GPC4: variants seen among roughly 807,000 people sequenced by gnomAD.
The protein encoded by GPC4 is glypican 4, also known as glypican-4.
GPC4 carries 10 observed loss-of-function variants against 35.0 expected under a neutral mutation model. The observed-to-expected ratio is 0.29, with a 90% CI of 0.18 to 0.48. The LOEUF is 0.48. Ranked by LOEUF, GPC4 falls within the 20% of genes least tolerant of loss-of-function variation. The pLI is 0.99. For synonymous variants in GPC4, 167 were observed against 170.2 expected, an observed-to-expected ratio of 0.98 and a Z score of 0.15; for missense variants, 322 against 451.3, an observed-to-expected ratio of 0.71 and a Z score of 2.60.
chrX:133,386,076 TA>T (rs1016647277), intron 1 of GPC4, among the ~76,000 whole-genome samples: 8 of 107,436 alleles, frequency 7.4e-5, no homozygotes, highest in Middle Eastern at 4.7e-3. Flanking sequence ...AAATAAAATT[TA>T]AAAAAACTCT....
chrX:133,328,608 T>C (rs1212665595), intron 2 of GPC4, among the ~76,000 whole-genome samples: 3 of 111,189 alleles, frequency 2.7e-5, no homozygotes, highest in Non-Finnish European at 5.7e-5. Context: ...CGCTGCAATG[T>C]TCATCTCCAT....
chrX:133,324,582 G>C, intron 2 of GPC4, 46 bp from the exon 3 acceptor site: 1 of 1,029,445 alleles, frequency 9.7e-7, no homozygotes, highest in Middle Eastern at 3.6e-4. Flanking sequence ...AAAAACGAGA[G>C]TTTTCAGTGT....
At chrX:133,399,211 C>T (rs1053618303) in intron 1 of GPC4, among the ~76,000 whole-genome samples, 4 of 112,072 alleles carry the variant, frequency 3.6e-5, no homozygotes, top group African/African-American at 1.3e-4. Context: ...TGAGAGCGGA[C>T]TCAGACCTTT....
intron 1 of GPC4, among the ~76,000 whole-genome samples, chrX:133,400,385 C>T (rs1462515431): frequency 8.9e-6 from 1 of 112,644 alleles, no homozygotes; most frequent in Non-Finnish European, 1.9e-5. Flanking sequence ...TTGCCATTCC[C>T]TTACCCCACA....
chrX:133,381,448 T>G (rs778328005), intron 1 of GPC4, among the ~76,000 whole-genome samples: 14 of 111,634 alleles, frequency 1.3e-4, no homozygotes, highest in Non-Finnish European at 2.4e-4. Flanking sequence ...AACACATATA[T>G]TAAACATCCA....
intron 3 of GPC4, among the ~76,000 whole-genome samples, chrX:133,321,457 C>T (rs1445049847): frequency 8.9e-6 from 1 of 112,326 alleles, no homozygotes; most frequent in Non-Finnish European, 1.9e-5. Context: ...AACACTGAAA[C>T]TCAAAGGAAG....
chrX:133,308,986 G>GA lies in GPC4; in HGVS notation c.877+2271dup, dbSNP rs751235484. On this transcript the variant is annotated intron_variant, in intron 4 of 8. Transcript: ENST00000370828. ...GGGAAAGAAAAATTCCTTGCAAACA[G>GA]AAAAAAAAAAAAAGAGAGAGAGACA... 5.7e-3 allele frequency among the ~76,000 whole-genome samples: 417 copies of GA among 73,760 alleles called. 3 individuals are homozygous for GA. Among genetic ancestry groups the GA allele is most frequent in the African/African-American group, 0.015 (306 of 20,394 alleles). 64.1% of individuals were successfully genotyped at this position (73,760 alleles called of 115,157 possible). A position where few individuals can be genotyped will look rare whatever the true frequency, so the allele number is the denominator to read the frequency against.
At chrX:133,381,348 G>A (rs1165529116) in intron 1 of GPC4, among the ~76,000 whole-genome samples, 1 of 112,313 alleles carries the variant, frequency 8.9e-6, no homozygotes, top group Non-Finnish European at 1.9e-5. Flanking sequence ...AAAATTTCAC[G>A]TTTCCTTATG....
intron 1 of GPC4, among the ~76,000 whole-genome samples, chrX:133,364,120 C>A (rs931942154): frequency 1.3e-4 from 14 of 111,811 alleles, no homozygotes; most frequent in African/African-American, 4.2e-4. Context: ...CACCTTTTGG[C>A]AACTGTGACT....
chrX:133,396,642 C>T lies in GPC4; in HGVS notation c.160+18164G>A, dbSNP rs749293524. ...AAAACAAATATCCTGTCCTAACAGC[C>T]GAGTTGCCATTAGTCTCTCGTTAAT... On this transcript the variant is annotated intron_variant, in intron 1 of 8. Transcript: ENST00000370828. Among the ~76,000 whole-genome samples the T allele has an allele frequency of 3.6e-5, 4 of 111,476 alleles. No homozygotes were observed. The East Asian group carries it at 1.1e-3, about 32-fold the overall frequency.
chrX:133,354,593 G>A (rs1470058847), intron 1 of GPC4, among the ~76,000 whole-genome samples: 1 of 98,367 alleles, frequency 1.0e-5, no homozygotes, highest in Non-Finnish European at 2.0e-5. Context: ...ACGGAGTCTC[G>A]CTCTGTCGCC....
intron 1 of GPC4, among the ~76,000 whole-genome samples, chrX:133,341,698 G>A (rs1460359856): frequency 3.6e-5 from 4 of 110,707 alleles, no homozygotes; most frequent in Non-Finnish European, 5.7e-5. Flanking sequence ...AAACACATGC[G>A]TACACACACA....
intron 1 of GPC4, among the ~76,000 whole-genome samples, chrX:133,356,698 G>A (rs1466849501): frequency 9.0e-6 from 1 of 111,571 alleles, no homozygotes; most frequent in Non-Finnish European, 1.9e-5. Context: ...TATGCTTCTT[G>A]TACAGCCTGC....
At chrX:133,389,842 C>T (rs186628677) in intron 1 of GPC4, among the ~76,000 whole-genome samples, 1 of 111,806 alleles carries the variant, frequency 8.9e-6, no homozygotes, top group East Asian at 2.8e-4. Context: ...ATAATGAGCA[C>T]TCATGGGTGT....
intron 1 of GPC4, among the ~76,000 whole-genome samples, chrX:133,406,170 TAATC>T (rs2068786192): frequency 1.8e-5 from 2 of 112,647 alleles, no homozygotes; most frequent in Admixed American, 9.4e-5. Flanking sequence ...TGTTGACACT[TAATC>T]AATAAATGAC....
At position 133,324,255 on chromosome X, in the gene GPC4, C is replaced by T. The variant is rs966240911; in HGVS notation, c.601G>A (p.Gly201Arg). 2.5e-6 allele frequency: 3 copies of T among 1,209,743 alleles called. No homozygotes were observed. The highest frequency in any genetic ancestry group is 1.1e-6 in the Non-Finnish European group (1 of 895,234). The change falls in exon 3 of 9, where the codon GGA becomes AGA. Residue 201 changes from glycine (G) to arginine (R), a missense_variant. Transcript: ENST00000370828. ...AGCTTCAATTTGCGAGGGACATCTC[C>T]GAAGGGCTTCAGCTGCTCCGTATAC... Reference protein sequence around the residue: ...SKYTEQLKPFGDVPRKLKLQV... With the variant: ...SKYTEQLKPFRDVPRKLKLQV...
intron 1 of GPC4, among the ~76,000 whole-genome samples, chrX:133,362,213 CAA>C (rs370997173): frequency 1.4e-5 from 1 of 72,341 alleles, no homozygotes. Flanking sequence ...GACTCTGTCT[CAA>C]AAAAAAAAAG....
intron 1 of GPC4, among the ~76,000 whole-genome samples, chrX:133,390,832 G>A (rs1477446704): frequency 9.0e-6 from 1 of 111,414 alleles, no homozygotes; most frequent in African/African-American, 3.3e-5. Context: ...ACAAGACCTT[G>A]ATGTGCTCAC....
chrX:133,406,676 G>GAGGCGGAGGTTGC (rs1205703198), intron 1 of GPC4, among the ~76,000 whole-genome samples: 2 of 102,850 alleles, frequency 1.9e-5, no homozygotes, highest in African/African-American at 7.3e-5. Flanking sequence ...TTGAACCCAG[G>GAGGCGGAGGTTGC]AGGCGGAGGT....
Sources: gnomAD v4.1 joint callset for allele counts (sites outside exome capture counted in the v4.1 genomes callset) on GRCh38, gnomAD v4.1.1 for gene constraint, MANE v1.5 for transcripts, NCBI Gene and HGNC (gene_info 2026-07-23, HGNC 2026-07-21) for gene names.